The following ZDHHC11 variants were observed in gnomAD, a reference collection of about 807,000 sequenced individuals.
ZDHHC11 encodes the protein palmitoyltransferase ZDHHC11.
In ZDHHC11, 44 loss-of-function variants were observed where a neutral mutation model predicts 51.3. The observed-to-expected ratio is 0.86, with a 90% CI of 0.67 to 1.10. The LOEUF is 1.10. Ranked by LOEUF, ZDHHC11 falls within the 50% of genes least tolerant of loss-of-function variation. The probability of loss-of-function intolerance (pLI) is 0.00; values close to 1 mark genes in which losing one functional copy is unlikely to be tolerated. For missense variants in ZDHHC11, 400 were observed against 537.7 expected (o/e 0.74, Z 2.53); for synonymous variants, 163 against 222.0 (o/e 0.73, Z 2.36).
At chr5:846,860 G>GCCCATCTGCGCTGGGTGCCCAC (rs1746287430) in intron 3 of ZDHHC11, among the ~76,000 whole-genome samples, 2 of 116,530 alleles carry the variant, frequency 1.7e-5, no homozygotes, top group Admixed American at 8.6e-5. Context: ...AACACCTCTC[G>GCCCATCTGCGCTGGGTGCCCAC]TTCTTGCACC....
chr5:836,037 T>TGG (rs1344481883), intron 6 of ZDHHC11, among the ~76,000 whole-genome samples: 4 of 150,494 alleles, frequency 2.7e-5, no homozygotes, highest in Non-Finnish European at 4.5e-5. Flanking sequence ...CTCTGTGCCT[T>TGG]CATTTTCCCT....
chr5:845,524 G>A (rs1411534431), intron 3 of ZDHHC11, among the ~76,000 whole-genome samples: 13 of 152,186 alleles, frequency 8.5e-5, no homozygotes, highest in Non-Finnish European at 1.6e-4. Flanking sequence ...CGAGGCCAGC[G>A]CTCACAGTCT....
upstream of ZDHHC11, among the ~76,000 whole-genome samples, chr5:855,173 A>G (rs59737669): frequency 0.35 from 46,358 of 133,114 alleles, 12,747 homozygotes; most frequent in African/African-American, 0.77. Flanking sequence ...CCCTACAGAG[A>G]ACAGAGAGCC....
Position 843,600 on chromosome 5 carries a change from C to T in ZDHHC11, c.628G>A (p.Asp210Asn). The T allele has an allele frequency of 6.2e-7, 1 of 1,608,712 alleles. No individual in the cohort carries two copies. Among genetic ancestry groups the T allele is most frequent in the Non-Finnish European group, 8.5e-7 (1 of 1,176,778 alleles). Residue 210 changes from aspartate to asparagine, a missense_variant and splice_region_variant, in exon 4 of 13, where the codon GAT becomes AAT. Transcript: ENST00000283441. ...CCCCTTGAGAGCGGCGGCCACGTAC[C>T]TTCATACCTGGGGTCCGTGCGGAGC... ...GVLRTDPRYE[D>N]VKNMNTWLLF...
chr5:825,393 G>A, intron 7 of ZDHHC11, 142 bp from the exon 8 acceptor site: 1 of 833,784 alleles, frequency 1.2e-6, no homozygotes. Flanking sequence ...AGCAGCTCCT[G>A]GGAGGTTGTC....
chr5:856,685 C>T (rs1748300438), intron 1 of ZDHHC11, among the ~76,000 whole-genome samples: 2 of 151,516 alleles, frequency 1.3e-5, no homozygotes, highest in Admixed American at 1.3e-4. Flanking sequence ...GTACCAGACA[C>T]CAACCACAAA....
At chr5:809,170 G>A (rs1739754290) in intron 11 of ZDHHC11, among the ~76,000 whole-genome samples, 1 of 143,782 alleles carries the variant, frequency 7.0e-6, no homozygotes, top group Non-Finnish European at 1.5e-5. Context: ...GCTAATGTTT[G>A]TCCTCCACCC....
chr5:838,730 C>T (rs561631226), intron 5 of ZDHHC11, among the ~76,000 whole-genome samples: 1 of 152,180 alleles, frequency 6.6e-6, no homozygotes, highest in Non-Finnish European at 1.5e-5. Flanking sequence ...CAGTGCCTGG[C>T]TCAGAGGACA....
intron 1 of ZDHHC11, 52 bp downstream of exon 1, chr5:850,329 A>C (rs554844146): frequency 2.5e-4 from 396 of 1,582,046 alleles, no homozygotes; most frequent in Non-Finnish European, 3.2e-4. Context: ...GTCCATCGCA[A>C]GTTCCTCCAG....
At chr5:798,338 C>T (rs2150269698) in intron 12 of ZDHHC11, among the ~76,000 whole-genome samples, 1 of 151,172 alleles carries the variant, frequency 6.6e-6, no homozygotes, top group Non-Finnish European at 1.5e-5. Flanking sequence ...CCTGAGAATT[C>T]CTTATGTCTC....
At chr5:824,057 G>A (rs67757774) in intron 8 of ZDHHC11, 5,019 of 452,226 alleles carry the variant, frequency 0.011, 3 homozygotes, top group East Asian at 0.1. Flanking sequence ...ACAGGAGCCT[G>A]TTCCCTGAAA....
At chr5:808,313 TC>T in intron 11 of ZDHHC11, among the ~76,000 whole-genome samples, 1 of 152,088 alleles carries the variant, frequency 6.6e-6, no homozygotes, top group African/African-American at 2.4e-5. Flanking sequence ...TGCTCAGCTC[TC>T]AGTGCAGAGA....
chr5:819,367 T>C (rs1180063438), intron 10 of ZDHHC11, among the ~76,000 whole-genome samples, 158 bp downstream of exon 10: 1 of 151,580 alleles, frequency 6.6e-6, no homozygotes, highest in African/African-American at 2.4e-5. Context: ...CCATCTCTCT[T>C]CTGTGCTCCA....
intron 3 of ZDHHC11, among the ~76,000 whole-genome samples, chr5:843,932 AGG>A (rs1745602832): frequency 4.8e-5 from 4 of 83,102 alleles, no homozygotes; most frequent in African/African-American, 2.9e-4. Context: ...CATCTGAGGC[AGG>A]GGCGGGGGCA....
Position 840,448 on chromosome 5 carries a change from G to A in ZDHHC11, c.784+47C>T, listed in dbSNP as rs757134113. ...GTAGAGGTGTAAGATGAGCAGCTCT[G>A]ACCACCCAGCCTTGGGGGGATCGGG... On this transcript the variant is annotated intron_variant, in intron 5 of 12. Coordinates refer to ENST00000283441, the MANE Select transcript of ZDHHC11 (RefSeq NM_024786.3). 4 of 1,612,396 alleles carry A rather than the reference G, an allele frequency of 2.5e-6. No homozygotes were observed. In the Middle Eastern group the frequency reaches 5.0e-4, roughly 200 times the overall value.
Position 821,753 on chromosome 5 carries a change from T to G in ZDHHC11, c.1058+108A>C, listed in dbSNP as rs953566163. ...GCCACCTCCTGGCACTTCAGGATAT[T>G]TGAAGACATTAAATGGATGACATAT... On this transcript the variant is annotated intron_variant, in intron 9 of 12. Transcript: ENST00000283441. 73 of 1,155,462 alleles carry G rather than the reference T, an allele frequency of 6.3e-5. 1 individual carries two copies. Among genetic ancestry groups the G allele is most frequent in the Non-Finnish European group, 8.3e-5 (68 of 818,034 alleles). The allele number at this position is 1,155,462 out of a possible 1,614,324, so 71.6% of individuals were successfully genotyped here. A position where few individuals can be genotyped will look rare whatever the true frequency, so the allele number is the denominator to read the frequency against.
At chr5:849,127 C>T (rs1312083875) in intron 1 of ZDHHC11, among the ~76,000 whole-genome samples, 1 of 152,208 alleles carries the variant, frequency 6.6e-6, no homozygotes, top group Non-Finnish European at 1.5e-5. Flanking sequence ...CACACACAGC[C>T]CTGCTTACCC....
In ZDHHC11 at chr5:850,499, G is replaced by A. The variant is rs1240516494; in HGVS notation, c.104C>T (p.Ser35Leu). 9.9e-6 allele frequency: 16 copies of A among 1,613,560 alleles called. No homozygotes were observed. The highest frequency in any genetic ancestry group is 1.7e-5 in the Admixed American group (1 of 60,012). ...CACCTGGAAGTAGTGCAGGGGTAACGACCAGCCGTTCACTCTGGAGATGCG... is the reference window on the plus strand; with the variant it reads ...CACCTGGAAGTAGTGCAGGGGTAACAACCAGCCGTTCACTCTGGAGATGCG... ...PPRISRVNGW[S>L]LPLHYFQVVT... Residue 35 changes from serine to leucine, a missense_variant, in exon 1 of 13, where the codon TCG (serine) becomes TTG (leucine). By Grantham distance (145) the Ser-to-Leu change is moderately radical (BLOSUM62 -2). Around this residue, in one of 5 missense-constraint regions of ZDHHC11, gnomAD observed 119 missense variants for 99.6 expected, o/e 1.20. Transcript: ENST00000283441.
At chr5:843,158 G>A (rs1435749630) in intron 4 of ZDHHC11, among the ~76,000 whole-genome samples, 1 of 152,284 alleles carries the variant, frequency 6.6e-6, no homozygotes, top group African/African-American at 2.4e-5. Context: ...TTGGCCAAGG[G>A]CCTCAGCGCA....
Sources: gnomAD v4.1 joint callset for allele counts (sites outside exome capture counted in the v4.1 genomes callset) on GRCh38, gnomAD v4.1.1 for gene constraint, gnomAD v4.1.1 regional missense constraint, MANE v1.5 for transcripts, NCBI Gene and HGNC (gene_info 2026-07-23, HGNC 2026-07-21) for gene names.